PIK3IP1: variants seen among roughly 807,000 people sequenced by gnomAD.
The protein encoded by PIK3IP1 is phosphoinositide-3-kinase-interacting protein 1.
Under a neutral mutation model 30.7 loss-of-function variants are expected in PIK3IP1, and 28 were observed. That is an observed-to-expected ratio of 0.91 (90% CI 0.68 to 1.25). PIK3IP1 has a LOEUF of 1.25. Ranked by LOEUF, PIK3IP1 falls within the 50% of genes most tolerant of loss-of-function variation. The pLI, the probability that PIK3IP1 is intolerant of heterozygous loss-of-function variation, is 0.00. For missense variants in PIK3IP1, 333 were observed against 346.2 expected (o/e 0.96, Z 0.30); for synonymous variants, 159 against 140.8 (o/e 1.13, Z -0.91).
At chr22:31,290,880 C>G (rs1456377536) in intron 3 of PIK3IP1, 85 bp downstream of exon 3, 8 of 1,443,734 alleles carry the variant, frequency 5.5e-6, no homozygotes, top group Non-Finnish European at 7.3e-6. Context: ...CGGCCGGCAT[C>G]GCGCGGCCGC....
intron 2 of PIK3IP1, 25 bp from the exon 3 acceptor site, chr22:31,291,109 G>A (rs1182468757): frequency 1.9e-6 from 3 of 1,544,976 alleles, no homozygotes; most frequent in African/African-American, 1.4e-5. Context: ...AAGGAAATGT[G>A]TGCCGGGGCT....
chr22:31,281,850 G>T lies in PIK3IP1; in HGVS notation c.*1234C>A, dbSNP rs899056888. ...GCAGTGGAAGGGTTCTGGAAAGGAA[G>T]CTCTATGGCTAGGAGCTGCCAAGGC... On this transcript the variant is annotated 3_prime_UTR_variant, in exon 6 of 6. Transcript: ENST00000215912. 8 of 152,672 alleles carry T rather than the reference G, an allele frequency of 5.2e-5. No homozygotes were observed. Among genetic ancestry groups the T allele is most frequent in the African/African-American group, 1.9e-4 (8 of 41,452 alleles). The allele number at this position is 152,672 out of a possible 1,614,324, so 9.5% of individuals were successfully genotyped here. A position where few individuals can be genotyped will look rare whatever the true frequency, so the allele number is the denominator to read the frequency against.
intron 5 of PIK3IP1, among the ~76,000 whole-genome samples, chr22:31,285,929 T>C (rs2049127701): frequency 6.6e-6 from 1 of 152,066 alleles, no homozygotes; most frequent in African/African-American, 2.4e-5. Context: ...TCCCAACACT[T>C]TGGGAGGCCG....
At chr22:31,286,658 A>G (rs2049132626) in intron 5 of PIK3IP1, among the ~76,000 whole-genome samples, 3 of 152,244 alleles carry the variant, frequency 2.0e-5, no homozygotes, top group Admixed American at 2.0e-4. Flanking sequence ...TGGACACCAG[A>G]ACTGAGCTCA....
intron 3 of PIK3IP1, 147 bp downstream of exon 3, chr22:31,290,818 G>A: frequency 8.2e-7 from 1 of 1,218,392 alleles, no homozygotes; most frequent in African/African-American, 1.6e-5. Flanking sequence ...TTTGAGCCCC[G>A]CGGCCTGGAG....
In PIK3IP1 at chr22:31,282,957, G is replaced by A; in HGVS notation, c.*127C>T. The A allele has an allele frequency of 1.4e-6, 1 of 720,878 alleles. No homozygotes were observed. Among genetic ancestry groups the A allele is most frequent in the Non-Finnish European group, 2.3e-6 (1 of 440,658 alleles). 44.7% of individuals were successfully genotyped at this position (720,878 alleles called of 1,614,324 possible). On this transcript the variant is annotated 3_prime_UTR_variant, in exon 6 of 6. Transcript: ENST00000215912. ...CACCTGCTTCTGTCACTCTTACTAGGATTCGCCAAAAAAGCGGGGGAGTGG... is the reference window on the plus strand; with the variant it reads ...CACCTGCTTCTGTCACTCTTACTAGAATTCGCCAAAAAAGCGGGGGAGTGG...
rs1569012985 is a variant in PIK3IP1, at chr22:31,291,162, C to T, written c.187+18G>A. 3 of 1,539,674 alleles carry T rather than the reference C, an allele frequency of 1.9e-6. No individual in the cohort carries two copies. Among genetic ancestry groups the T allele is most frequent in the East Asian group, 2.5e-5 (1 of 40,072 alleles). On this transcript the variant is annotated intron_variant, in intron 2 of 5. Transcript: ENST00000215912. ...CGCCGCCCGCCAGCCCCGGGGCCGT[C>T]CCCCGGAGGACACTTACCCGACACG...
chr22:31,291,098 G>A lies in PIK3IP1; in HGVS notation c.188-14C>T. 2.6e-6 allele frequency: 4 copies of A among 1,548,310 alleles called. No homozygotes were observed. The highest frequency in any genetic ancestry group is 1.4e-5 in the African/African-American group (1 of 72,560). ...GATTGCCGGCCCCTAAGAGAGGAGA[G>A]AAGGAAATGTGTGCCGGGGCTGGCA... On this transcript the variant is annotated splice_polypyrimidine_tract_variant and intron_variant, in intron 2 of 5. Coordinates refer to ENST00000215912, the MANE Select transcript of PIK3IP1 (RefSeq NM_052880.5).
At chr22:31,286,171 A>C (rs1407928003) in intron 5 of PIK3IP1, among the ~76,000 whole-genome samples, 1 of 152,158 alleles carries the variant, frequency 6.6e-6, no homozygotes, top group African/African-American at 2.4e-5. Flanking sequence ...AAAAAAAGAT[A>C]ATCAGGGAAG....
At position 31,291,262 on chromosome 22, in the gene PIK3IP1, C is replaced by G; in HGVS notation, c.105G>C (p.Glu35Asp). 1 of 1,554,992 alleles carries G rather than the reference C, an allele frequency of 6.4e-7. No homozygotes were observed. Among genetic ancestry groups the G allele is most frequent in the South Asian group, 1.2e-5 (1 of 84,380 alleles). ...CFWDNGHLYR[E>D]DQTSPAPGLR... ...GGCCCGGCGCGGGGGAGGTCTGGTC[C>G]TCCCGGTACAGGTGGCCGTTGTCCC... The change falls in exon 2 of 6, where the codon GAG becomes GAC. Residue 35 changes from glutamate to aspartate, a missense_variant. By Grantham distance (45) the Glu-to-Asp change is conservative. Coordinates refer to ENST00000215912, the MANE Select transcript of PIK3IP1 (RefSeq NM_052880.5).
At chr22:31,290,614 T>TGGGGTTGTGAGCA (rs1260492590) in intron 3 of PIK3IP1, 6 of 211,086 alleles carry the variant, frequency 2.8e-5, no homozygotes, top group Admixed American at 6.0e-5. Context: ...GTTGGGGAGC[T>TGGGGTTGTGAGCA]GGGGTTGTGA....
rs776213294 is a variant in PIK3IP1 at position 31,289,379 on chromosome 22, T to C, written c.523A>G (p.Ile175Val). 5.6e-6 allele frequency: 9 copies of C among 1,610,546 alleles called. No homozygotes were observed. The South Asian group carries it at 9.9e-5, about 18-fold the overall frequency. The change falls in exon 5 of 6, where the codon ATT becomes GTT. Residue 175 changes from isoleucine to valine, a missense_variant. Physicochemically the swap from Ile to Val is conservative, Grantham distance 29. Transcript: ENST00000215912. ...DLGTLGYVLG[I>V]TMMVIIIAIG... ...GCAATGATGATCACCATCATGGTAATGCCCAGCACGTAGCCTGCCAAGGAT... is the reference window on the plus strand; with the variant it reads ...GCAATGATGATCACCATCATGGTAACGCCCAGCACGTAGCCTGCCAAGGAT...
rs183252632 is a variant in PIK3IP1 at position 31,283,974 on chromosome 22, G to A, written c.588-686C>T. ...GGCTGGAGTACAATGGCACAATCTC[G>A]GCTCACTGCAACCTCTGCCTCTCAG... On this transcript the variant is annotated intron_variant, in intron 5 of 5. Transcript: ENST00000215912. 1.3e-4 allele frequency among the ~76,000 whole-genome samples: 19 copies of A among 151,994 alleles called. No homozygotes were observed. In the East Asian group the frequency reaches 2.7e-3, roughly 22 times the overall value.
Position 31,283,120 on chromosome 22 carries a change from G to T in PIK3IP1, c.756C>A (p.Thr252=). 1 of 1,611,956 alleles carries T rather than the reference G, an allele frequency of 6.2e-7. No homozygotes were observed. Among genetic ancestry groups the T allele is most frequent in the Non-Finnish European group, 8.5e-7 (1 of 1,179,042 alleles). The stretch of plus-strand genomic sequence containing the variant: ...GAGTCCCGGCCTGGCCCATAAGGGG[G>T]GTGGTGCCCTCCTGAGGGTCAACTG... ...QTPVDPQEGT[T]PLMGQAGTPG... is the part of the protein sequence containing the mutation. Residue 252 remains threonine, a synonymous_variant, in exon 6 of 6, where the codon ACC becomes ACA. Coordinates refer to ENST00000215912, the MANE Select transcript of PIK3IP1 (RefSeq NM_052880.5).
At chr22:31,289,434 A>C in intron 4 of PIK3IP1, 41 bp from the exon 5 acceptor site, 1 of 1,572,156 alleles carries the variant, frequency 6.4e-7, no homozygotes, top group Non-Finnish European at 8.6e-7. Context: ...GCCACACCCT[A>C]GACAATCAGC....
intron 1 of PIK3IP1, among the ~76,000 whole-genome samples, chr22:31,291,816 C>T (rs1278544102): frequency 1.3e-5 from 2 of 151,994 alleles, no homozygotes; most frequent in East Asian, 1.9e-4. Context: ...CAAATACTCC[C>T]TCCCAGGAGA....
At chr22:31,291,444 G>A in intron 1 of PIK3IP1, 148 bp from the exon 2 acceptor site, 1 of 699,212 alleles carries the variant, frequency 1.4e-6, no homozygotes, top group South Asian at 1.7e-5. Flanking sequence ...CTCTCCTCTC[G>A]TGGCAACACC....
In PIK3IP1 at chr22:31,292,398, C is replaced by T; in HGVS notation, c.-54G>A. ...GAACGACCAGTGTTTAACCGAGGCC[C>T]CCTTGGCGGCGGCTCTGCCTCCCAG... On this transcript the variant is annotated 5_prime_UTR_variant, in exon 1 of 6. Transcript: ENST00000215912. The T allele has an allele frequency of 6.4e-7, 1 of 1,559,230 alleles. No individual in the cohort carries two copies. Among genetic ancestry groups the T allele is most frequent in the Non-Finnish European group, 8.8e-7 (1 of 1,130,546 alleles).
upstream of PIK3IP1, chr22:31,292,509 G>T: frequency 1.6e-6 from 1 of 609,422 alleles, no homozygotes. Flanking sequence ...CAGCTAGCTT[G>T]CTGCAGCGCG....
Sources: allele counts gnomAD v4.1 joint callset (sites outside exome capture counted in the v4.1 genomes callset), GRCh38; gene constraint gnomAD v4.1.1; transcripts MANE v1.5; gene names NCBI Gene and HGNC (gene_info 2026-07-23, HGNC 2026-07-21).